The following CADPS variants were observed in gnomAD, a reference collection of about 807,000 sequenced individuals.
CADPS encodes the protein calcium-dependent secretion activator 1.
In CADPS, 57 loss-of-function variants were observed where a neutral mutation model predicts 167.3. The ratio of observed to expected loss-of-function variants is 0.34; its 90% CI spans 0.28 to 0.42. CADPS has a LOEUF of 0.42. Among genes scored for constraint, CADPS ranks in the 20% least tolerant of loss-of-function variants. The pLI is 1.00. For missense variants in CADPS, 1,414 were observed against 1,738.1 expected (o/e 0.81, Z 3.32); for synonymous variants, 676 against 635.3 (o/e 1.06, Z -0.96).
In CADPS at chr3:62,602,562, A is replaced by G. The variant is rs1453355079; in HGVS notation, c.1326-9814T>C. The stretch of plus-strand genomic sequence containing the variant: ...GTGGACTGCATGATATTCCACTCCA[A>G]GGGAATCAATTGTGCCATCGCAGTG... On this transcript the variant is annotated intron_variant, in intron 6 of 29. Transcript: ENST00000383710. The surrounding 1 kb of genome is among the most constrained non-coding windows in gnomAD (Gnocchi z 4.4). Among the ~76,000 whole-genome samples the G allele has an allele frequency of 6.6e-6, 1 of 152,166 alleles. No individual in the cohort carries two copies. The highest frequency in any genetic ancestry group is 1.5e-5 in the Non-Finnish European group (1 of 68,030).
chr3:62,781,044 T>G (rs2091475130), intron 1 of CADPS, among the ~76,000 whole-genome samples: 1 of 152,212 alleles, frequency 6.6e-6, no homozygotes, highest in Non-Finnish European at 1.5e-5. Flanking sequence ...GGGTACAATT[T>G]GCTTCATTAT....
chr3:62,574,722 G>T (rs2081955237), intron 8 of CADPS, among the ~76,000 whole-genome samples: 1 of 152,206 alleles, frequency 6.6e-6, no homozygotes, highest in Admixed American at 6.5e-5. Context: ...TGTTGGTCAA[G>T]ATGCTTAACC....
intron 1 of CADPS, among the ~76,000 whole-genome samples, chr3:62,801,108 G>A (rs2093735281): frequency 6.6e-6 from 1 of 152,070 alleles, no homozygotes; most frequent in Admixed American, 6.6e-5. Flanking sequence ...TCTGTAGAGT[G>A]GGCATTATAC....
chr3:62,759,028 A>G (rs2084703889), intron 2 of CADPS, among the ~76,000 whole-genome samples: 1 of 152,208 alleles, frequency 6.6e-6, no homozygotes, highest in South Asian at 2.1e-4. Flanking sequence ...GGAGTAAGTA[A>G]GGTTTGCAAG....
intron 1 of CADPS, among the ~76,000 whole-genome samples, chr3:62,861,550 A>G (rs1488541834): frequency 2.6e-5 from 4 of 152,224 alleles, no homozygotes; most frequent in Admixed American, 1.3e-4. Flanking sequence ...TGTGCTGGAT[A>G]AAACATTCAA....
At chr3:62,766,698 C>T (rs1393884126) in intron 1 of CADPS, among the ~76,000 whole-genome samples, 4 of 152,152 alleles carry the variant, frequency 2.6e-5, no homozygotes, top group Non-Finnish European at 4.4e-5. Flanking sequence ...TCCCACCTTT[C>T]TTTCTTAGGA....
intron 1 of CADPS, among the ~76,000 whole-genome samples, chr3:62,830,096 G>A (rs1307914937): frequency 1.3e-5 from 2 of 152,132 alleles, no homozygotes; most frequent in Non-Finnish European, 1.5e-5. Context: ...GCTCTATGAA[G>A]ACTCCTATCA....
intron 1 of CADPS, among the ~76,000 whole-genome samples, chr3:62,872,066 A>T (rs969577496): frequency 2.6e-5 from 4 of 152,084 alleles, no homozygotes; most frequent in African/African-American, 7.2e-5. Flanking sequence ...CTTTTCATAG[A>T]TCTCGTTCTC....
intron 5 of CADPS, among the ~76,000 whole-genome samples, chr3:62,646,704 C>T (rs2068673771): frequency 6.6e-6 from 1 of 152,144 alleles, no homozygotes; most frequent in South Asian, 2.1e-4. Flanking sequence ...AGTTACAACC[C>T]GTTGTTGCCT....
intron 3 of CADPS, among the ~76,000 whole-genome samples, chr3:62,737,485 A>G (rs1575653798): frequency 7.4e-6 from 1 of 134,986 alleles, no homozygotes. Flanking sequence ...AAAAAAAAAA[A>G]GCAAAAAAAA....
At chr3:62,787,084 C>T (rs895685409) in intron 1 of CADPS, among the ~76,000 whole-genome samples, 5 of 151,692 alleles carry the variant, frequency 3.3e-5, no homozygotes, top group African/African-American at 9.7e-5. Flanking sequence ...GCTTGATCTC[C>T]GGAGTTAGAG....
chr3:62,475,091 A>G (rs1036929672), intron 23 of CADPS, among the ~76,000 whole-genome samples: 1 of 152,218 alleles, frequency 6.6e-6, no homozygotes, highest in Admixed American at 6.5e-5. Context: ...ATATACATAT[A>G]CAAATTCAAG....
At chr3:62,467,839 CTGTT>C (rs1335082345) in intron 24 of CADPS, among the ~76,000 whole-genome samples, 1 of 152,038 alleles carries the variant, frequency 6.6e-6, no homozygotes, top group African/African-American at 2.4e-5. Flanking sequence ...TCATAAGTCT[CTGTT>C]TGGGAGATCA....
At chr3:62,504,234 G>C (rs1210744820) in intron 17 of CADPS, among the ~76,000 whole-genome samples, 1 of 152,148 alleles carries the variant, frequency 6.6e-6, no homozygotes, top group East Asian at 1.9e-4. Flanking sequence ...GGAAGACTCA[G>C]TTTTAAATGA....
intron 9 of CADPS, among the ~76,000 whole-genome samples, chr3:62,559,427 G>C (rs2078753289): frequency 6.6e-6 from 1 of 151,986 alleles, no homozygotes; most frequent in Non-Finnish European, 1.5e-5. Flanking sequence ...ATTGATCCTA[G>C]GGATAACAGA....
In CADPS at chr3:62,544,777, G is replaced by C. The variant is rs1561928563; in HGVS notation, c.1966+5126C>G. 1 of 741,364 alleles carries C rather than the reference G, an allele frequency of 1.3e-6. No homozygotes were observed. The highest frequency in any genetic ancestry group is 1.8e-6 in the Non-Finnish European group (1 of 567,990). 45.9% of individuals were successfully genotyped at this position (741,364 alleles called of 1,614,324 possible). A position where few individuals can be genotyped will look rare whatever the true frequency, so the allele number is the denominator to read the frequency against. On this transcript the variant is annotated intron_variant, in intron 11 of 29. Coordinates refer to ENST00000383710, the MANE Select transcript of CADPS (RefSeq NM_003716.4). This position sits in a 1 kb window ranked among gnomAD's most constrained non-coding sequence, Gnocchi z 4.4. ...ACATGAGGAAGATTTAAGGGGGAGG[G>C]AAGCACATTGCAGGTGTCAGATAAT...
intron 26 of CADPS, among the ~76,000 whole-genome samples, chr3:62,447,355 GC>G (rs1300770755): frequency 2.6e-5 from 4 of 152,304 alleles, no homozygotes; most frequent in South Asian, 4.1e-4. Context: ...ATCATTGCCA[GC>G]CCCCAAGACG....
chr3:62,778,888 T>C (rs2090965060), intron 1 of CADPS, among the ~76,000 whole-genome samples: 1 of 146,592 alleles, frequency 6.8e-6, no homozygotes, highest in Admixed American at 7.1e-5. Flanking sequence ...AGATTTTTCT[T>C]TTCCAGAAAG....
At chr3:62,641,699 A>G (rs2067448725) in intron 6 of CADPS, among the ~76,000 whole-genome samples, 1 of 152,160 alleles carries the variant, frequency 6.6e-6, no homozygotes, top group African/African-American at 2.4e-5. Context: ...ACTTGATCGT[A>G]TATTCTCCTG....
Sources: allele counts gnomAD v4.1 joint callset (sites outside exome capture counted in the v4.1 genomes callset), GRCh38; gene constraint gnomAD v4.1.1; non-coding constraint Gnocchi (gnomAD v3.1); transcripts MANE v1.5; gene names NCBI Gene and HGNC (gene_info 2026-07-23, HGNC 2026-07-21).